Variants in TMEM74 observed in about 807,000 individuals in gnomAD.
TMEM74 encodes transmembrane protein 74.
TMEM74 carries 13 observed loss-of-function variants against 18.1 expected under a neutral mutation model. That is an observed-to-expected ratio of 0.72 (90% CI 0.47 to 1.14). TMEM74 has a LOEUF of 1.14. Ranked by LOEUF, TMEM74 falls within the 50% of genes most tolerant of loss-of-function variation. The pLI, the probability that TMEM74 is intolerant of heterozygous loss-of-function variation, is 0.00. For missense variants in TMEM74, 372 were observed against 375.9 expected, an observed-to-expected ratio of 0.99 and a Z score of 0.09; for synonymous variants, 159 against 146.6, an observed-to-expected ratio of 1.08 and a Z score of -0.61.
intron 1 of TMEM74, among the ~76,000 whole-genome samples, chr8:108,700,881 T>C (rs1356840084): frequency 6.6e-6 from 1 of 152,114 alleles, no homozygotes; most frequent in Non-Finnish European, 1.5e-5. Context: ...TTATCATTCC[T>C]GCAGATTAGT....
intron 1 of TMEM74, among the ~76,000 whole-genome samples, chr8:108,750,314 A>T (rs1433247595): frequency 6.6e-6 from 1 of 152,134 alleles, no homozygotes; most frequent in Non-Finnish European, 1.5e-5. Context: ...CATCTTATGG[A>T]TTAGTTTTCT....
chr8:108,663,685 A>T (rs891534344), intron 1 of TMEM74, among the ~76,000 whole-genome samples: 2 of 152,202 alleles, frequency 1.3e-5, no homozygotes, highest in Non-Finnish European at 2.9e-5. Flanking sequence ...CACTATTCAC[A>T]ATAGCAAAGA....
rs1223351554 is a variant in TMEM74 at position 108,779,703 on chromosome 8, TA to T, written c.*4477del. 6.6e-6 allele frequency among the ~76,000 whole-genome samples: 1 copy of T among 152,208 alleles called. No homozygotes were observed. Among genetic ancestry groups the T allele is most frequent in the African/African-American group, 2.4e-5 (1 of 41,460 alleles). Reference sequence around the variant, plus strand: ...CCAAATTCCTATAATAAAATTATTCTAACAATAACTTTGGATATTAAAGCTG... The same window carrying T: ...CCAAATTCCTATAATAAAATTATTCTACAATAACTTTGGATATTAAAGCTG... On this transcript the variant is annotated 3_prime_UTR_variant, in exon 2 of 2. Coordinates refer to ENST00000297459, the MANE Select transcript of TMEM74 (RefSeq NM_153015.3).
At chr8:108,775,339 T>C (rs1021074315), downstream of TMEM74, among the ~76,000 whole-genome samples, 1 of 152,220 alleles carries the variant, frequency 6.6e-6, no homozygotes, top group Admixed American at 6.5e-5. Context: ...TTCTGAAACA[T>C]GCCCTCTTTG....
At chr8:108,785,198 G>T in intron 1 of TMEM74, 61 bp from the exon 2 acceptor site, 2 of 1,328,050 alleles carry the variant, frequency 1.5e-6, no homozygotes, top group African/African-American at 1.5e-5. Context: ...ACTTCCAGGA[G>T]TGTTGCTCCT....
At position 108,720,765 on chromosome 8, in the gene TMEM74, T is replaced by A. The variant is rs1022574279; in HGVS notation, n.120-65328A>T. On this transcript the variant is annotated intron_variant and non_coding_transcript_variant, in intron 1 of 3. Coordinates refer to the TMEM74 transcript ENST00000518838. ...TTATTTATTTATTTATTAGTTTGTT[T>A]GTTTGTTTGTTTGTTTAGTTCAAGA... Among the ~76,000 whole-genome samples, 61 of 151,054 alleles carry A rather than the reference T, an allele frequency of 4.0e-4. 2 individuals carry two copies. The South Asian group carries it at 0.011, about 26-fold the overall frequency.
At chr8:108,722,948 C>T (rs1813600119) in intron 1 of TMEM74, among the ~76,000 whole-genome samples, 1 of 152,174 alleles carries the variant, frequency 6.6e-6, no homozygotes, top group Non-Finnish European at 1.5e-5. Flanking sequence ...CTCCTCAGTG[C>T]TCTTACCACT....
intron 1 of TMEM74, among the ~76,000 whole-genome samples, chr8:108,672,683 G>A (rs757284939): frequency 4.6e-5 from 7 of 152,138 alleles, no homozygotes; most frequent in Non-Finnish European, 8.8e-5. Flanking sequence ...TCAAGTCAAA[G>A]GATTAAAATA....
intron 1 of TMEM74, among the ~76,000 whole-genome samples, chr8:108,686,603 ATGT>A (rs1813169875): frequency 6.6e-6 from 1 of 152,084 alleles, no homozygotes; most frequent in Admixed American, 6.5e-5. Context: ...TTGGAAGATG[ATGT>A]TGTCTTCCTT....
At chr8:108,706,675 T>C (rs954894665) in intron 1 of TMEM74, among the ~76,000 whole-genome samples, 2 of 152,132 alleles carry the variant, frequency 1.3e-5, no homozygotes, top group African/African-American at 4.8e-5. Context: ...TAAGTAGCTT[T>C]AAACAGGATT....
intron 1 of TMEM74, among the ~76,000 whole-genome samples, chr8:108,683,882 T>C (rs1020732963): frequency 6.6e-6 from 1 of 152,150 alleles, no homozygotes; most frequent in African/African-American, 2.4e-5. Context: ...TTTATTTCAC[T>C]TAACATGATG....
At chr8:108,738,176 C>A (rs1305533358) in intron 1 of TMEM74, among the ~76,000 whole-genome samples, 1 of 152,124 alleles carries the variant, frequency 6.6e-6, no homozygotes, top group Non-Finnish European at 1.5e-5. Context: ...TAACCATGGT[C>A]TATGGGACTA....
At chr8:108,643,295 C>T (rs1459453361) in intron 2 of TMEM74, among the ~76,000 whole-genome samples, 2 of 152,150 alleles carry the variant, frequency 1.3e-5, no homozygotes, top group African/African-American at 4.8e-5. Context: ...TTGAAGTTCT[C>T]AGGTGATGCT....
At chr8:108,657,888 A>G (rs1373319314) in intron 1 of TMEM74, among the ~76,000 whole-genome samples, 1 of 118,470 alleles carries the variant, frequency 8.4e-6, no homozygotes, top group Non-Finnish European at 1.7e-5. Flanking sequence ...ATATATATAT[A>G]TATATATATA....
intron 1 of TMEM74, among the ~76,000 whole-genome samples, chr8:108,735,481 C>T (rs920564025): frequency 2.0e-5 from 3 of 152,094 alleles, no homozygotes; most frequent in African/African-American, 7.2e-5. Flanking sequence ...TTGTGACTTG[C>T]TTCTTTCACT....
In TMEM74 at chr8:108,651,264, G is replaced by A. The variant is rs79034024; in HGVS notation, n.264+4029C>T. Among the ~76,000 whole-genome samples, 1,231 of 152,168 alleles carry A rather than the reference G, an allele frequency of 8.1e-3. 19 individuals are homozygous for A. The highest frequency in any genetic ancestry group is 0.026 in the African/African-American group (1,086 of 41,510). ...TTCAGTAAAGAATTTTGAAATGAAT[G>A]AATCTTTTTTTCCTTGCTAAAGAAC... On this transcript the variant is annotated intron_variant and non_coding_transcript_variant, in intron 2 of 3. Coordinates refer to the TMEM74 transcript ENST00000518838.
At chr8:108,708,834 C>CAAAAAAAAAAA (rs1813445455) in intron 1 of TMEM74, among the ~76,000 whole-genome samples, 1 of 63,680 alleles carries the variant, frequency 1.6e-5, no homozygotes, top group Non-Finnish European at 2.9e-5. Context: ...AAAAAAAAAC[C>CAAAAAAAAAAA]AACCCAAATA....
chr8:108,695,300 G>C (rs993161170), intron 1 of TMEM74, among the ~76,000 whole-genome samples: 1 of 152,170 alleles, frequency 6.6e-6, no homozygotes, highest in Non-Finnish European at 1.5e-5. Context: ...TTAATGCAAT[G>C]CAAATTTCGA....
intron 2 of TMEM74, among the ~76,000 whole-genome samples, chr8:108,620,052 G>A (rs1303065806): frequency 6.6e-6 from 1 of 152,044 alleles, no homozygotes; most frequent in East Asian, 1.9e-4. Context: ...TGTCATAGAG[G>A]TAGGGGTAAT....
Sources: gnomAD v4.1 joint callset for allele counts (sites outside exome capture counted in the v4.1 genomes callset) on GRCh38, gnomAD v4.1.1 for gene constraint, MANE v1.5 for transcripts, NCBI Gene and HGNC (gene_info 2026-07-23, HGNC 2026-07-21) for gene names.